The following PRKN variants were observed in gnomAD, a reference collection of about 807,000 sequenced individuals.
PRKN encodes parkin RBR E3 ubiquitin protein ligase.
Under a neutral mutation model 59.5 loss-of-function variants are expected in PRKN, and 56 were observed. The observed-to-expected ratio is 0.94, with a 90% CI of 0.76 to 1.18. The LOEUF (loss-of-function observed/expected upper bound fraction) is 1.18, where lower values mean the gene tolerates loss of function less well. Among genes scored for constraint, PRKN ranks in the 50% most tolerant of loss-of-function variants. The probability of loss-of-function intolerance (pLI) is 0.00; values close to 1 mark genes in which losing one functional copy is unlikely to be tolerated. For missense variants in PRKN, 657 were observed against 596.4 expected (o/e 1.10, Z -1.06); for synonymous variants, 250 against 222.1 (o/e 1.13, Z -1.12).
intron 6 of PRKN, among the ~76,000 whole-genome samples, chr6:161,847,813 C>A (rs923229508): frequency 1.4e-4 from 21 of 152,110 alleles, no homozygotes; most frequent in African/African-American, 5.1e-4. Flanking sequence ...GGAACCAGGT[C>A]CTCTCTTCTT....
rs565404014 is a variant in PRKN at position 161,508,735 on chromosome 6, T to C, written c.1083+40119A>G. Among the ~76,000 whole-genome samples the C allele has an allele frequency of 2.6e-5, 4 of 151,972 alleles. No individual in the cohort carries two copies. In the South Asian group the frequency reaches 8.3e-4, roughly 32 times the overall value. ...TTTTGTCACTCTCAGTTGAATCATT[T>C]CCAATTTATCTGTAGCCTACTTTTT... On this transcript the variant is annotated intron_variant, in intron 9 of 11. Coordinates refer to ENST00000366898, the MANE Select transcript of PRKN (RefSeq NM_004562.3).
In PRKN at chr6:161,785,820, G is replaced by A. The variant is rs34424986; in HGVS notation, c.823C>T (p.Arg275Trp). ...AGTTGAGGGTCGTGAACAAACTGCC[G>A]ATCATTGAGTCTTGTCACACAGTAT... ...HLYCVTRLNDRQFVHDPQLGY... is the reference protein window; with the variant it reads ...HLYCVTRLNDWQFVHDPQLGY... Residue 275 changes from arginine to tryptophan, a missense_variant, in exon 7 of 12, where the codon CGG becomes TGG. Arg to Trp is a moderately radical substitution (Grantham distance 101, BLOSUM62 -3). Coordinates refer to ENST00000366898, the MANE Select transcript of PRKN (RefSeq NM_004562.3). The A allele has an allele frequency of 3.0e-3, 4,857 of 1,614,016 alleles. 10 individuals carry two copies. Among genetic ancestry groups the A allele is most frequent in the Non-Finnish European group, 3.7e-3 (4,403 of 1,179,942 alleles).
At chr6:161,443,658 T>C (rs1230275994) in intron 9 of PRKN, among the ~76,000 whole-genome samples, 1 of 152,134 alleles carries the variant, frequency 6.6e-6, no homozygotes, top group Non-Finnish European at 1.5e-5. Context: ...ACAATCAGTT[T>C]TTTTAAATGG....
intron 6 of PRKN, among the ~76,000 whole-genome samples, chr6:161,803,488 T>G (rs1466914793): frequency 6.6e-6 from 1 of 152,210 alleles, no homozygotes; most frequent in Admixed American, 6.5e-5. Context: ...CGAGAAGAAC[T>G]GTCCTTGGGT....
intron 2 of PRKN, among the ~76,000 whole-genome samples, chr6:162,287,578 A>AAAATT (rs201089356): frequency 0.01 from 1,588 of 152,256 alleles, 30 homozygotes; most frequent in African/African-American, 0.036. Context: ...TTGCAAAAAA[A>AAAATT]TCACTGGACA....
intron 11 of PRKN, 32 bp from the exon 12 acceptor site, chr6:161,350,243 G>T: frequency 6.6e-7 from 1 of 1,508,280 alleles, no homozygotes; most frequent in Non-Finnish European, 9.2e-7. Flanking sequence ...GGTGTGGTGG[G>T]TTCGCAGCAA....
At chr6:162,318,563 A>G (rs1782845829) in intron 2 of PRKN, among the ~76,000 whole-genome samples, 1 of 152,088 alleles carries the variant, frequency 6.6e-6, no homozygotes. Context: ...TTGCACCAGC[A>G]AAGTACAAGA....
At chr6:162,473,670 C>G (rs979491492) in intron 1 of PRKN, among the ~76,000 whole-genome samples, 3 of 151,392 alleles carry the variant, frequency 2.0e-5, no homozygotes, top group Non-Finnish European at 4.4e-5. Context: ...TTTTTTGTAC[C>G]AAGTTTTTGA....
intron 3 of PRKN, among the ~76,000 whole-genome samples, chr6:162,203,860 T>C (rs1784832870): frequency 1.3e-5 from 2 of 152,330 alleles, no homozygotes; most frequent in South Asian, 4.1e-4. Context: ...TATGTTTGTG[T>C]TCATAAGAGT....
chr6:161,625,138 C>T (rs1783038610), intron 7 of PRKN, among the ~76,000 whole-genome samples: 1 of 152,162 alleles, frequency 6.6e-6, no homozygotes, highest in South Asian at 2.1e-4. Context: ...GCACTATTCA[C>T]AATAGCGAAG....
In PRKN at chr6:162,419,947, C is replaced by T. The variant is rs566261993; in HGVS notation, c.171+23363G>A. Among the ~76,000 whole-genome samples, 239 of 152,218 alleles carry T rather than the reference C, an allele frequency of 1.6e-3. 1 individual carries two copies. Among genetic ancestry groups the T allele is most frequent in the African/African-American group, 5.6e-3 (233 of 41,538 alleles). On this transcript the variant is annotated intron_variant, in intron 2 of 11. Coordinates refer to ENST00000366898, the MANE Select transcript of PRKN (RefSeq NM_004562.3). Reference sequence around the variant, plus strand: ...AAAATTACAGTGGAAAGCAGCAGCCCCCAACCTTTTTGGCATCAGGGACTG... The same window carrying T: ...AAAATTACAGTGGAAAGCAGCAGCCTCCAACCTTTTTGGCATCAGGGACTG...
rs71544915 is a variant in PRKN at position 161,733,770 on chromosome 6, G to GAAAAAA, written c.871+51996_871+52001dup. 1.1e-3 allele frequency among the ~76,000 whole-genome samples: 114 copies of GAAAAAA among 102,356 alleles called. 1 individual carries two copies. Among genetic ancestry groups the GAAAAAA allele is most frequent in the African/African-American group, 4.7e-3 (109 of 23,040 alleles). 67.1% of individuals were successfully genotyped at this position (102,356 alleles called of 152,430 possible). ...GTATTGTTGAAAATTCCCAGGGGGT[G>GAAAAAA]AAAAAAAAAAAAAATATATATATAT... is the stretch of plus-strand genomic sequence containing the variant. On this transcript the variant is annotated intron_variant, in intron 7 of 11. Coordinates refer to ENST00000366898, the MANE Select transcript of PRKN (RefSeq NM_004562.3).
chr6:161,573,139 G>C (rs758220555), intron 7 of PRKN, among the ~76,000 whole-genome samples: 6 of 152,156 alleles, frequency 3.9e-5, no homozygotes, highest in Admixed American at 6.5e-5. Context: ...AGAAGTTGTG[G>C]GGGAAGGGAG....
chr6:161,890,442 C>A (rs1050568872), intron 6 of PRKN, among the ~76,000 whole-genome samples: 1 of 152,150 alleles, frequency 6.6e-6, no homozygotes, highest in Non-Finnish European at 1.5e-5. Context: ...GGTTCCACAA[C>A]GGAGACGAGA....
At chr6:161,854,870 G>T (rs1793583284) in intron 6 of PRKN, among the ~76,000 whole-genome samples, 1 of 152,016 alleles carries the variant, frequency 6.6e-6, no homozygotes, top group South Asian at 2.1e-4. Context: ...GGATCATGAG[G>T]TTAGGAGTTC....
chr6:162,654,940 C>T (rs1049738595), intron 1 of PRKN, among the ~76,000 whole-genome samples: 1 of 151,642 alleles, frequency 6.6e-6, no homozygotes, highest in Non-Finnish European at 1.5e-5. Flanking sequence ...ATATCATTTA[C>T]TTAAAAAAAA....
At chr6:162,555,045 T>C (rs774881345) in intron 1 of PRKN, among the ~76,000 whole-genome samples, 2 of 152,172 alleles carry the variant, frequency 1.3e-5, no homozygotes, top group Non-Finnish European at 2.9e-5. Flanking sequence ...TTCAGCCACA[T>C]GCAACAAAAA....
chr6:162,517,003 G>T (rs1180266472), intron 1 of PRKN, among the ~76,000 whole-genome samples: 2 of 152,022 alleles, frequency 1.3e-5, no homozygotes, highest in African/African-American at 4.8e-5. Flanking sequence ...AATGTCCTAT[G>T]GTGGAAATGC....
chr6:162,235,939 AAGGAAGG>A lies in PRKN; in HGVS notation c.412+26579_412+26585del, dbSNP rs1196526132. ...GAAGGAAGGAAGGAAGGAAGGAAGG[AAGGAAGG>A]AAGGAAGAAAGGAAGAAAGAAAGAA... On this transcript the variant is annotated intron_variant, in intron 3 of 11. Coordinates refer to ENST00000366898, the MANE Select transcript of PRKN (RefSeq NM_004562.3). Among the ~76,000 whole-genome samples the A allele has an allele frequency of 3.8e-3, 381 of 99,316 alleles. 14 individuals carry two copies. The highest frequency in any genetic ancestry group is 0.017 in the African/African-American group (331 of 19,340). 65.2% of individuals were successfully genotyped at this position (99,316 alleles called of 152,430 possible).
Sources: gnomAD v4.1 joint callset for allele counts (sites outside exome capture counted in the v4.1 genomes callset) on GRCh38, gnomAD v4.1.1 for gene constraint, MANE v1.5 for transcripts, NCBI Gene and HGNC (gene_info 2026-07-23, HGNC 2026-07-21) for gene names.